CDS2: variants seen among roughly 807,000 people sequenced by gnomAD.
CDS2 encodes CDP-diacylglycerol synthase 2.
Under a neutral mutation model 59.0 loss-of-function variants are expected in CDS2, and 47 were observed. That is an observed-to-expected ratio of 0.80 (90% CI 0.63 to 1.02). CDS2 has a LOEUF of 1.02. Ranked by LOEUF, CDS2 falls within the 50% of genes least tolerant of loss-of-function variation. The pLI is 0.00. For missense variants in CDS2, 356 were observed against 558.9 expected (o/e 0.64, Z 3.66); for synonymous variants, 207 against 206.4 (o/e 1.00, Z -0.02).
chr20:5,154,185 G>A (rs2090814801), intron 1 of CDS2, among the ~76,000 whole-genome samples: 1 of 152,204 alleles, frequency 6.6e-6, no homozygotes, highest in Non-Finnish European at 1.5e-5. Flanking sequence ...GTTGTTCCCA[G>A]CCAGCACCTC....
At chr20:5,136,330 G>GAGA (rs2090649824) in intron 1 of CDS2, among the ~76,000 whole-genome samples, 1 of 152,148 alleles carries the variant, frequency 6.6e-6, no homozygotes, top group Admixed American at 6.5e-5. Context: ...AGATGACTCG[G>GAGA]TTACTCAGGC....
intron 1 of CDS2, among the ~76,000 whole-genome samples, chr20:5,157,236 C>A (rs755097022): frequency 6.6e-6 from 1 of 152,210 alleles, no homozygotes; most frequent in Middle Eastern, 3.4e-3. Flanking sequence ...TTTTCTGACA[C>A]AGTGTAGGCT....
At chr20:5,176,326 G>T (rs772869541) in intron 3 of CDS2, 36 of 219,400 alleles carry the variant, frequency 1.6e-4, no homozygotes, top group Non-Finnish European at 3.1e-4. Flanking sequence ...GGAGGCTGAG[G>T]CAGGTGGATT....
intron 1 of CDS2, among the ~76,000 whole-genome samples, chr20:5,150,538 C>T (rs1350771633): frequency 2.6e-5 from 4 of 152,200 alleles, no homozygotes; most frequent in African/African-American, 9.6e-5. Context: ...TGGGGCAGCC[C>T]TTGCCTTACT....
chr20:5,177,094 A>C (rs1292628190), intron 4 of CDS2, among the ~76,000 whole-genome samples: 1 of 152,144 alleles, frequency 6.6e-6, no homozygotes, highest in Non-Finnish European at 1.5e-5. Flanking sequence ...GAAGTCTGGA[A>C]TCTTCCTGAG....
intron 1 of CDS2, among the ~76,000 whole-genome samples, chr20:5,139,769 G>T (rs1399300920): frequency 6.8e-6 from 1 of 147,268 alleles, no homozygotes; most frequent in Non-Finnish European, 1.5e-5. Context: ...GTGAACCGTT[G>T]TTGAATTTTA....
chr20:5,145,175 G>A (rs565510611), intron 1 of CDS2, among the ~76,000 whole-genome samples: 11 of 151,454 alleles, frequency 7.3e-5, no homozygotes, highest in South Asian at 2.1e-4. Flanking sequence ...ATCTCTGGGC[G>A]CGTAGATGGA....
intron 1 of CDS2, among the ~76,000 whole-genome samples, chr20:5,130,846 C>T (rs916749020): frequency 1.3e-5 from 2 of 151,728 alleles, no homozygotes; most frequent in African/African-American, 4.8e-5. Context: ...AATCCCAGCA[C>T]TTTGGGAGGA....
intron 1 of CDS2, among the ~76,000 whole-genome samples, chr20:5,163,825 C>G (rs1269529398): frequency 5.0e-5 from 7 of 138,762 alleles, no homozygotes; most frequent in Non-Finnish European, 1.1e-4. Flanking sequence ...GAGTCTAGCT[C>G]TGTCGCCCAG....
intron 1 of CDS2, among the ~76,000 whole-genome samples, chr20:5,143,629 C>CT (rs1156869112): frequency 0.026 from 2,621 of 99,632 alleles, 175 homozygotes; most frequent in African/African-American, 0.044. Context: ...TCTTCTTCTT[C>CT]TTTTTTTTTT....
intron 1 of CDS2, among the ~76,000 whole-genome samples, chr20:5,127,454 C>T (rs2090563976): frequency 6.6e-6 from 1 of 152,186 alleles, no homozygotes; most frequent in African/African-American, 2.4e-5. Context: ...ACTCCCCTCT[C>T]CCCCAACTCC....
chr20:5,167,056 G>A (rs1225674337), intron 1 of CDS2, among the ~76,000 whole-genome samples: 1 of 152,192 alleles, frequency 6.6e-6, no homozygotes, highest in Non-Finnish European at 1.5e-5. Flanking sequence ...GGGAGGAGAA[G>A]GCATGGCAAG....
chr20:5,169,091 CT>C (rs2090935853), intron 1 of CDS2, among the ~76,000 whole-genome samples: 1 of 152,236 alleles, frequency 6.6e-6, no homozygotes, highest in African/African-American at 2.4e-5. Flanking sequence ...TTCCCCCTTC[CT>C]TTAAAGCAGC....
Position 5,193,266 on chromosome 20 carries a change from C to G in CDS2, c.*3032C>G, listed in dbSNP as rs1228953930. The stretch of plus-strand genomic sequence containing the variant: ...CCTCTTAGGCAACTTGTTTCATATT[C>G]TGGGCATTTTAGTAGCTACAGTATT... On this transcript the variant is annotated 3_prime_UTR_variant, in exon 13 of 13. Coordinates refer to ENST00000460006, the MANE Select transcript of CDS2 (RefSeq NM_003818.4). The G allele has an allele frequency of 2.0e-5, 3 of 152,196 alleles. No homozygotes were observed. Among genetic ancestry groups the G allele is most frequent in the Non-Finnish European group, 4.4e-5 (3 of 68,034 alleles). 9.4% of individuals were successfully genotyped at this position (152,196 alleles called of 1,614,324 possible).
At chr20:5,181,002 A>G (rs1314097614) in intron 5 of CDS2, among the ~76,000 whole-genome samples, 2 of 152,072 alleles carry the variant, frequency 1.3e-5, no homozygotes, top group African/African-American at 4.8e-5. Flanking sequence ...GTAAGTGTTT[A>G]AGAGAACATT....
At chr20:5,135,486 G>A (rs1259280012) in intron 1 of CDS2, among the ~76,000 whole-genome samples, 2 of 152,120 alleles carry the variant, frequency 1.3e-5, no homozygotes, top group African/African-American at 2.4e-5. Context: ...GAAAAGAGAC[G>A]GACACTGACT....
Position 5,190,344 on chromosome 20 carries a change from T to A in CDS2, c.*110T>A. On this transcript the variant is annotated 3_prime_UTR_variant, in exon 13 of 13. Transcript: ENST00000460006. ...TGACGAGGCTTCAACTCACTGTCTTTTTTTTTTTTTTTTGGAGGGTATTTT... is the reference window on the plus strand; with the variant it reads ...TGACGAGGCTTCAACTCACTGTCTTATTTTTTTTTTTTTGGAGGGTATTTT... The A allele has an allele frequency of 1.1e-6, 1 of 890,298 alleles. No homozygotes were observed. The highest frequency in any genetic ancestry group is 1.5e-6 in the Non-Finnish European group (1 of 645,396). The allele number at this position is 890,298 out of a possible 1,614,324, so 55.1% of individuals were successfully genotyped here.
At chr20:5,138,315 A>T (rs181509627) in intron 1 of CDS2, among the ~76,000 whole-genome samples, 1 of 151,992 alleles carries the variant, frequency 6.6e-6, no homozygotes, top group African/African-American at 2.4e-5. Flanking sequence ...TGGCATATAG[A>T]TATCCAGTTT....
intron 6 of CDS2, among the ~76,000 whole-genome samples, 181 bp from the exon 7 acceptor site, chr20:5,182,880 T>G (rs769935144): frequency 6.6e-6 from 1 of 152,210 alleles, no homozygotes; most frequent in Non-Finnish European, 1.5e-5. Flanking sequence ...TAGTGGGCTG[T>G]GGGGGACAAA....
Sources: allele counts gnomAD v4.1 joint callset (sites outside exome capture counted in the v4.1 genomes callset), GRCh38; gene constraint gnomAD v4.1.1; transcripts MANE v1.5; gene names NCBI Gene and HGNC (gene_info 2026-07-23, HGNC 2026-07-21).